The following DENND2B variants were observed in gnomAD, a reference collection of about 807,000 sequenced individuals.
The protein encoded by DENND2B is DENN domain-containing protein 2B.
DENND2B carries 32 observed loss-of-function variants against 116.0 expected under a neutral mutation model. That is an observed-to-expected ratio of 0.28 (90% CI 0.21 to 0.37). The LOEUF is 0.37. DENND2B is among the 10% of genes least tolerant of loss of function. DENND2B has a pLI of 1.00. For missense variants in DENND2B, 1,276 were observed against 1,477.7 expected (o/e 0.86, Z 2.24); for synonymous variants, 588 against 583.9 (o/e 1.01, Z -0.10).
chr11:8,705,772 C>A (rs2042491252), intron 13 of DENND2B, among the ~76,000 whole-genome samples: 1 of 152,244 alleles, frequency 6.6e-6, no homozygotes, highest in Admixed American at 6.5e-5. Flanking sequence ...TATTTCCAAT[C>A]AAACGCAAAG....
intron 4 of DENND2B, among the ~76,000 whole-genome samples, chr11:8,720,620 C>T (rs1437371009): frequency 6.6e-6 from 1 of 152,236 alleles, no homozygotes; most frequent in Non-Finnish European, 1.5e-5. Flanking sequence ...GCCTCCCCAG[C>T]CTCAGCTTGG....
At chr11:8,838,249 A>G (rs2134606252) in intron 4 of DENND2B, among the ~76,000 whole-genome samples, 1 of 152,108 alleles carries the variant, frequency 6.6e-6, no homozygotes, top group Admixed American at 6.5e-5. Context: ...TTAGATTCCT[A>G]TCTCATACCC....
At chr11:8,722,032 G>T (rs1910146) in intron 4 of DENND2B, among the ~76,000 whole-genome samples, 141,203 of 152,310 alleles carry the variant, frequency 0.93, 66,380 homozygotes, top group East Asian at 1. Flanking sequence ...CATAAGGCCT[G>T]GTAGAATAGC....
chr11:8,901,229 C>CTTTTCCT (rs781408078), intron 1 of DENND2B, among the ~76,000 whole-genome samples: 1 of 83,918 alleles, frequency 1.2e-5, no homozygotes, highest in Admixed American at 1.6e-4. Context: ...CTTTTCTTTT[C>CTTTTCCT]TTTTTTTTTT....
chr11:8,776,550 C>G (rs1205883728), intron 1 of DENND2B: 1 of 268,196 alleles, frequency 3.7e-6, no homozygotes, highest in African/African-American at 2.2e-5. Flanking sequence ...CCAGACATCG[C>G]AGGCAGCTTG....
intron 2 of DENND2B, among the ~76,000 whole-genome samples, chr11:8,743,245 C>T (rs542941514): frequency 6.6e-6 from 1 of 151,790 alleles, no homozygotes; most frequent in African/African-American, 2.4e-5. Flanking sequence ...ACTGAAAAAC[C>T]CTTTGTTAAG....
At chr11:8,746,895 T>C (rs1179437892) in intron 2 of DENND2B, among the ~76,000 whole-genome samples, 1 of 152,210 alleles carries the variant, frequency 6.6e-6, no homozygotes, top group African/African-American at 2.4e-5. Context: ...ACTAGTTTTG[T>C]ATCCTTAAGG....
intron 1 of DENND2B, among the ~76,000 whole-genome samples, chr11:8,767,868 C>A (rs1470163725): frequency 1.3e-5 from 2 of 152,180 alleles, no homozygotes; most frequent in Admixed American, 6.5e-5. Flanking sequence ...ACCCCAAGGG[C>A]CACAGATTAA....
At chr11:8,766,666 G>C in intron 1 of DENND2B, 1 of 1,289,330 alleles carries the variant, frequency 7.8e-7, no homozygotes, top group Non-Finnish European at 1.0e-6. Flanking sequence ...TTTCTTGCCA[G>C]CTATGCGCCC....
chr11:8,827,211 C>A (rs2062012739), intron 4 of DENND2B, among the ~76,000 whole-genome samples: 1 of 152,234 alleles, frequency 6.6e-6, no homozygotes, highest in East Asian at 1.9e-4. Context: ...GCCTACACCC[C>A]ACTTAGCTGG....
At chr11:8,694,717 T>C (rs935090304) in intron 19 of DENND2B, 3 of 424,962 alleles carry the variant, frequency 7.1e-6, no homozygotes, top group African/African-American at 6.2e-5. Flanking sequence ...GTACTGAACA[T>C]ATATAGACTT....
chr11:8,734,328 T>G (rs1294135592), intron 2 of DENND2B, among the ~76,000 whole-genome samples: 2 of 152,206 alleles, frequency 1.3e-5, no homozygotes. Flanking sequence ...ACTGTTTTTT[T>G]TTTTTATCAG....
intron 1 of DENND2B, among the ~76,000 whole-genome samples, chr11:8,802,511 C>G (rs2060446487): frequency 6.6e-6 from 1 of 152,038 alleles, no homozygotes; most frequent in South Asian, 2.1e-4. Context: ...GTAACTTGTC[C>G]AAGGTTACAG....
intron 16 of DENND2B, among the ~76,000 whole-genome samples, chr11:8,698,625 CAGA>C (rs2040896837): frequency 1.3e-5 from 2 of 152,192 alleles, no homozygotes; most frequent in Admixed American, 1.3e-4. Flanking sequence ...CTTTAGAGCT[CAGA>C]AGAATTTAGA....
Position 8,726,397 on chromosome 11 carries a change from G to C in DENND2B, c.1341-188C>G, listed in dbSNP as rs1029759811. ...GATGGTCTGAAAGGCCCCAGCCTGGGTGCCTGCAATGTGCCTTATCCTGAA... is the reference window on the plus strand; with the variant it reads ...GATGGTCTGAAAGGCCCCAGCCTGGCTGCCTGCAATGTGCCTTATCCTGAA... On this transcript the variant is annotated intron_variant, in intron 3 of 19. Transcript: ENST00000313726. 4.4e-6 allele frequency: 3 copies of C among 676,478 alleles called. No homozygotes were observed. The African/African-American group carries it at 5.5e-5, about 12-fold the overall frequency. 41.9% of individuals were successfully genotyped at this position (676,478 alleles called of 1,614,324 possible).
At chr11:8,882,240 A>G (rs377327839) in intron 1 of DENND2B, among the ~76,000 whole-genome samples, 4 of 152,280 alleles carry the variant, frequency 2.6e-5, no homozygotes, top group Non-Finnish European at 5.9e-5. Context: ...TCTCATAAAC[A>G]ACTTGTTATT....
chr11:8,701,408 A>G (rs2041642523), intron 14 of DENND2B, among the ~76,000 whole-genome samples: 1 of 142,560 alleles, frequency 7.0e-6, no homozygotes, highest in Non-Finnish European at 1.5e-5. Context: ...CCTAAGCCCT[A>G]TGCAAATCAA....
In DENND2B at chr11:8,903,474, T is replaced by TA. The variant is rs35974143; in HGVS notation, c.-256+7346dup. ...ACTTTAACTAGACTGACCAAGATGT[T>TA]AAAAAAAAAAAAAAAAAAGCAAGAG... On this transcript the variant is annotated intron_variant, in intron 1 of 22. Transcript: ENST00000534127. Among the ~76,000 whole-genome samples, 1,024 of 116,250 alleles carry TA rather than the reference T, an allele frequency of 8.8e-3. 6 individuals carry two copies. The highest frequency in any genetic ancestry group is 0.026 in the East Asian group (107 of 4,134). 76.3% of individuals were successfully genotyped at this position (116,250 alleles called of 152,430 possible).
Position 8,730,816 on chromosome 11 carries a change from G to C in DENND2B, c.474C>G (p.Arg158=). ...TCTCCCGGATGCCCAGGCTGTGGGCGCGGGTACCGGTACGGGTCAGCAAGA... is the reference window on the plus strand; with the variant it reads ...TCTCCCGGATGCCCAGGCTGTGGGCCCGGGTACCGGTACGGGTCAGCAAGA... ...RGVLLTRTGT[R]AHSLGIREKI... is the part of the protein sequence containing the mutation. The change falls in exon 3 of 20, where the codon CGC becomes CGG. Residue 158 remains arginine, a synonymous_variant. Transcript: ENST00000313726. This position sits in a 1 kb window ranked among gnomAD's most constrained non-coding sequence, Gnocchi z 4.1. 1 of 1,613,130 alleles carries C rather than the reference G, an allele frequency of 6.2e-7. No homozygotes were observed. The highest frequency in any genetic ancestry group is 8.5e-7 in the Non-Finnish European group (1 of 1,179,964).
Sources: allele counts gnomAD v4.1 joint callset (sites outside exome capture counted in the v4.1 genomes callset), GRCh38; gene constraint gnomAD v4.1.1; non-coding constraint Gnocchi (gnomAD v3.1); transcripts MANE v1.5; gene names NCBI Gene and HGNC (gene_info 2026-07-23, HGNC 2026-07-21).